Variants in DCLRE1B observed in about 807,000 individuals in gnomAD.
DCLRE1B encodes the protein DNA cross-link repair 1B.
In DCLRE1B, 6 loss-of-function variants were observed where a neutral mutation model predicts 19.8. The ratio of observed to expected loss-of-function variants is 0.30; its 90% CI spans 0.17 to 0.60. The LOEUF is 0.60. Ranked by LOEUF, DCLRE1B falls within the 20% of genes least tolerant of loss-of-function variation. The pLI is 0.87. For synonymous variants in DCLRE1B, 258 were observed against 255.7 expected (o/e 1.01, Z -0.09); for missense variants, 622 against 654.2 (o/e 0.95, Z 0.54).
chr1:113,905,565 T>C lies in DCLRE1B; in HGVS notation c.-22T>C, dbSNP rs373511008. 18 of 1,611,280 alleles carry C rather than the reference T, an allele frequency of 1.1e-5. No homozygotes were observed. Among genetic ancestry groups the C allele is most frequent in the African/African-American group, 1.3e-5 (1 of 74,808 alleles). The stretch of plus-strand genomic sequence containing the variant: ...CCTGCCCCCGTGGAGAAGATCCCAC[T>C]GGTGACTCCAACCCTACCACCATGA... On this transcript the variant is annotated 5_prime_UTR_variant, in exon 1 of 4. Transcript: ENST00000650450.
At position 113,908,031 on chromosome 1, in the gene DCLRE1B, C is replaced by T; in HGVS notation, c.378C>T (p.Ser126=). The part of the protein sequence containing the change: ...LYTGDFRYTP[S]MLKEPALTLG... ...CAGGTGATTTTCGATACACACCATCCATGCTAAAGGAGCCAGCCCTGACAC... is the reference window on the plus strand; with the variant it reads ...CAGGTGATTTTCGATACACACCATCTATGCTAAAGGAGCCAGCCCTGACAC... The change falls in exon 3 of 4, where the codon TCC becomes TCT. Residue 126 remains serine (S), a synonymous_variant. Transcript: ENST00000650450. 1 of 1,613,992 alleles carries T rather than the reference C, an allele frequency of 6.2e-7. No homozygotes were observed. The highest frequency in any genetic ancestry group is 2.2e-5 in the East Asian group (1 of 44,882).
At position 113,908,134 on chromosome 1, in the gene DCLRE1B, G is replaced by T. The variant is rs1170595374; in HGVS notation, c.481G>T (p.Ala161Ser). Residue 161 changes from alanine to serine, a missense_variant, in exon 3 of 4, where the codon GCT becomes TCT. Around this residue, in one of 3 missense-constraint regions of DCLRE1B, gnomAD observed 237 missense variants for 223.8 expected, o/e 1.06. Transcript: ENST00000650450. ...CCTGGTTCTTCCTTCCCGACAAGAAGCTGCCCACCAGATTGTCCAGCTCAT... is the reference window on the plus strand; with the variant it reads ...CCTGGTTCTTCCTTCCCGACAAGAATCTGCCCACCAGATTGTCCAGCTCAT... The part of the protein sequence containing the change: ...PALVLPSRQE[A>S]AHQIVQLIRK... 6.2e-7 allele frequency: 1 copy of T among 1,614,180 alleles called. No individual in the cohort carries two copies.
rs1247785398 is a variant in DCLRE1B, at chr1:113,905,687, C to T, written c.101C>T (p.Ser34Leu). The T allele has an allele frequency of 6.2e-7, 1 of 1,614,064 alleles. No homozygotes were observed. ...ARLFFLSHMH[S>L]DHTVGLSSTW... ...CTCTTCTTCTTGTCTCACATGCACTCGGACCACACCGTGGGCCTGTCTAGC... is the reference window on the plus strand; with the variant it reads ...CTCTTCTTCTTGTCTCACATGCACTTGGACCACACCGTGGGCCTGTCTAGC... The change falls in exon 1 of 4, where the codon TCG becomes TTG. Residue 34 changes from serine to leucine, a missense_variant. Around this residue, in one of 3 missense-constraint regions of DCLRE1B, gnomAD observed 237 missense variants for 223.8 expected, o/e 1.06. Coordinates refer to ENST00000650450, the MANE Select transcript of DCLRE1B (RefSeq NM_022836.4).
Position 113,911,851 on chromosome 1 carries a change from A to C in DCLRE1B, c.1259A>C (p.Lys420Thr). 1 of 1,614,254 alleles carries C rather than the reference A, an allele frequency of 6.2e-7. No individual in the cohort carries two copies. The highest frequency in any genetic ancestry group is 8.5e-7 in the Non-Finnish European group (1 of 1,180,046). Reference protein sequence around the residue: ...NKAVPFCESQKRVTMLTAPLG... With the variant: ...NKAVPFCESQTRVTMLTAPLG... Reference sequence around the variant, plus strand: ...GCAGTGCCTTTCTGTGAGTCTCAAAAGAGGGTGACTATGTTGACGGCCCCA... The same window carrying C: ...GCAGTGCCTTTCTGTGAGTCTCAAACGAGGGTGACTATGTTGACGGCCCCA... The change falls in exon 4 of 4, where the codon AAG becomes ACG. Residue 420 changes from lysine to threonine, a missense_variant. Physicochemically the swap from Lys to Thr is moderately conservative, Grantham distance 78 (BLOSUM62 -1). This residue lies in a region of DCLRE1B where 382 missense variants were observed against 412.5 expected (regional missense o/e 0.93). Transcript: ENST00000650450.
upstream of DCLRE1B, chr1:113,905,261 C>G (rs1471615634): frequency 2.7e-6 from 1 of 375,288 alleles, no homozygotes; most frequent in Non-Finnish European, 4.9e-6. Flanking sequence ...GCGGCTCCCT[C>G]TGGTGGAGCT....
intron 3 of DCLRE1B, among the ~76,000 whole-genome samples, chr1:113,909,874 G>T (rs565354460): frequency 1.3e-5 from 2 of 152,118 alleles, no homozygotes; most frequent in African/African-American, 4.8e-5. Context: ...AGAAAAATCC[G>T]CTCCATTTGT....
At chr1:113,904,723 TAA>T, upstream of DCLRE1B, 1 of 1,611,834 alleles carries the variant, frequency 6.2e-7, no homozygotes, top group Non-Finnish European at 8.5e-7. Flanking sequence ...GGCATCTTCC[TAA>T]GAGTCACAGG....
upstream of DCLRE1B, chr1:113,904,812 A>G (rs536223814): frequency 1.3e-5 from 14 of 1,084,134 alleles, no homozygotes. Context: ...AGGAAATATG[A>G]GTCAGTGAAA....
chr1:113,905,723 G>A lies in DCLRE1B; in HGVS notation c.137G>A (p.Arg46Gln), dbSNP rs28381069. The change falls in exon 1 of 4, where the codon CGG becomes CAG. Residue 46 changes from arginine (R) to glutamine (Q), a missense_variant. Arg to Gln is a conservative substitution (Grantham distance 43, BLOSUM62 1). Around this residue, in one of 3 missense-constraint regions of DCLRE1B, gnomAD observed 237 missense variants for 223.8 expected, o/e 1.06. Coordinates refer to ENST00000650450, the MANE Select transcript of DCLRE1B (RefSeq NM_022836.4). ...GTGGGCCTGTCTAGCACCTGGGCCCGGCCCCTCTACTGCTCCCCAATTACA... is the reference window on the plus strand; with the variant it reads ...GTGGGCCTGTCTAGCACCTGGGCCCAGCCCCTCTACTGCTCCCCAATTACA... Reference protein sequence around the residue: ...HTVGLSSTWARPLYCSPITAH... With the variant: ...HTVGLSSTWAQPLYCSPITAH... The A allele has an allele frequency of 6.2e-6, 10 of 1,614,012 alleles. No individual in the cohort carries two copies. Among genetic ancestry groups the A allele is most frequent in the Non-Finnish European group, 8.5e-6 (10 of 1,180,030 alleles).
chr1:113,909,252 T>C (rs1016807070), intron 3 of DCLRE1B, among the ~76,000 whole-genome samples: 3 of 152,188 alleles, frequency 2.0e-5, no homozygotes, highest in African/African-American at 7.2e-5. Context: ...TTAAATTAAG[T>C]ATACTGAAAA....
At chr1:113,910,972 T>C (rs1571612229) in intron 3 of DCLRE1B, among the ~76,000 whole-genome samples, 159 bp from the exon 4 acceptor site, 1 of 152,360 alleles carries the variant, frequency 6.6e-6, no homozygotes. Flanking sequence ...CCCTTTCATA[T>C]GTCTTAGCTC....
In DCLRE1B at chr1:113,912,264, G is replaced by C; in HGVS notation, c.*73G>C. On this transcript the variant is annotated 3_prime_UTR_variant, in exon 4 of 4. Coordinates refer to ENST00000650450, the MANE Select transcript of DCLRE1B (RefSeq NM_022836.4). ...GAAGATAGTAACTGATGGCTGGTGG[G>C]AAAGAGTTTGTTTTTGGGGCCTACT... 1 of 1,455,822 alleles carries C rather than the reference G, an allele frequency of 6.9e-7. No homozygotes were observed. The highest frequency in any genetic ancestry group is 1.4e-5 in the South Asian group (1 of 73,348). The allele number at this position is 1,455,822 out of a possible 1,614,324, so 90.2% of individuals were successfully genotyped here.
At position 113,908,018 on chromosome 1, in the gene DCLRE1B, G is replaced by C; in HGVS notation, c.365G>C (p.Arg122Pro). The change falls in exon 3 of 4, where the codon CGA becomes CCA. Residue 122 changes from arginine to proline, a missense_variant. Coordinates refer to ENST00000650450, the MANE Select transcript of DCLRE1B (RefSeq NM_022836.4). ...FGTILYTGDF[R>P]YTPSMLKEPA... ...GTACATATTCCTCCAGGTGATTTTCGATACACACCATCCATGCTAAAGGAG... is the reference window on the plus strand; with the variant it reads ...GTACATATTCCTCCAGGTGATTTTCCATACACACCATCCATGCTAAAGGAG... 6.2e-7 allele frequency: 1 copy of C among 1,613,246 alleles called. No individual in the cohort carries two copies.
intron 3 of DCLRE1B, among the ~76,000 whole-genome samples, chr1:113,909,486 T>C (rs1041486399): frequency 1.1e-4 from 17 of 152,228 alleles, no homozygotes; most frequent in Non-Finnish European, 2.4e-4. Context: ...GAAAAGGACA[T>C]GTCTCAACTC....
rs574323645 is a variant in DCLRE1B, at chr1:113,911,345, G to A, written c.753G>A (p.Thr251=). ...TGCGTTGGAACCAGACCCACCCTAC[G>A]ATTGCTATCCTTCCCACAAGCCGAA... ...NMLRWNQTHP[T]IAILPTSRKI... is the part of the protein sequence containing the mutation. Residue 251 remains threonine, a synonymous_variant, in exon 4 of 4, where the codon ACG becomes ACA. Transcript: ENST00000650450. The A allele has an allele frequency of 2.0e-5, 33 of 1,614,098 alleles. No individual in the cohort carries two copies. The East Asian group carries it at 4.0e-4, about 20-fold the overall frequency.
upstream of DCLRE1B, chr1:113,904,731 A>G: frequency 6.2e-7 from 1 of 1,609,572 alleles, no homozygotes; most frequent in Non-Finnish European, 8.5e-7. Context: ...CCTAAGAGTC[A>G]CAGGGCAGCT....
intron 1 of DCLRE1B, 111 bp from the exon 2 acceptor site, chr1:113,906,885 G>T: frequency 1.7e-6 from 2 of 1,206,808 alleles, no homozygotes. Context: ...TTCTGCTCCC[G>T]GTGGCTCAGG....
At chr1:113,905,088 C>G (rs983998489), upstream of DCLRE1B, 1 of 372,372 alleles carries the variant, frequency 2.7e-6, no homozygotes, top group Non-Finnish European at 5.2e-6. Context: ...CCGTTCTCAT[C>G]GCGGATAGGC....
chr1:113,911,187 A>C lies in DCLRE1B; in HGVS notation c.595A>C (p.Thr199Pro). Residue 199 changes from threonine to proline, a missense_variant, in exon 4 of 4, where the codon ACC becomes CCC. By Grantham distance (38) the Thr-to-Pro change is conservative (BLOSUM62 -1). Around this residue, in one of 3 missense-constraint regions of DCLRE1B, gnomAD observed 382 missense variants for 412.5 expected, o/e 0.93. Transcript: ENST00000650450. Reference protein sequence around the residue: ...LLEQLALEFQTWVVLSPRRLE... With the variant: ...LLEQLALEFQPWVVLSPRRLE... Reference sequence around the variant, plus strand: ...GGAGCAGCTGGCCCTGGAGTTTCAGACCTGGGTGGTATTGAGTCCTCGGCG... The same window carrying C: ...GGAGCAGCTGGCCCTGGAGTTTCAGCCCTGGGTGGTATTGAGTCCTCGGCG... The C allele has an allele frequency of 6.2e-7, 1 of 1,614,150 alleles. No homozygotes were observed. Among genetic ancestry groups the C allele is most frequent in the East Asian group, 2.2e-5 (1 of 44,878 alleles).
Sources: gnomAD v4.1 joint callset for allele counts (sites outside exome capture counted in the v4.1 genomes callset) on GRCh38, gnomAD v4.1.1 for gene constraint, gnomAD v4.1.1 regional missense constraint, MANE v1.5 for transcripts, NCBI Gene and HGNC (gene_info 2026-07-23, HGNC 2026-07-21) for gene names.